The following OR8G1 variants were observed in gnomAD, a reference collection of about 807,000 sequenced individuals.
OR8G1 encodes the protein olfactory receptor 8G1.
For missense variants in OR8G1, 372 were observed against 356.2 expected (o/e 1.04, Z -0.36); for synonymous variants, 129 against 133.3 (o/e 0.97, Z 0.22).
rs1277214145 is a variant in OR8G1, at chr11:124,250,430, T to C, written c.755T>C (p.Phe252Ser). Residue 252 changes from phenylalanine (F) to serine (S), a missense_variant, in exon 3 of 3, where the codon TTT becomes TCT. Coordinates refer to ENST00000641972, the MANE Select transcript of OR8G1 (RefSeq NM_001002905.2). ...SSHMLAVVIFFGSAAFMYLQP... is the reference protein window; with the variant it reads ...SSHMLAVVIFSGSAAFMYLQP... Reference sequence around the variant, plus strand: ...CACATGTTGGCGGTTGTAATCTTTTTTGGATCTGCAGCATTCATGTACTTG... The same window carrying C: ...CACATGTTGGCGGTTGTAATCTTTTCTGGATCTGCAGCATTCATGTACTTG... 3 of 1,613,788 alleles carry C rather than the reference T, an allele frequency of 1.9e-6. No homozygotes were observed. Among genetic ancestry groups the C allele is most frequent in the Middle Eastern group, 1.7e-4 (1 of 6,060 alleles).
chr11:124,245,766 G>C (rs1450879744), intron 1 of OR8G1, among the ~76,000 whole-genome samples: 1 of 144,508 alleles, frequency 6.9e-6, no homozygotes, highest in Admixed American at 6.9e-5. Flanking sequence ...GATGGCCAGT[G>C]ATGGTGAGCA....
chr11:124,244,128 G>A (rs1861788724), intron 1 of OR8G1, among the ~76,000 whole-genome samples: 1 of 151,364 alleles, frequency 6.6e-6, no homozygotes, highest in African/African-American at 2.4e-5. Flanking sequence ...GAGAGATGGA[G>A]AGAGAATGAG....
At chr11:124,246,658 A>C (rs1861813284) in intron 1 of OR8G1, among the ~76,000 whole-genome samples, 1 of 151,814 alleles carries the variant, frequency 6.6e-6, no homozygotes, top group African/African-American at 2.4e-5. Context: ...TAAACAACAT[A>C]ATTAATGCAT....
At chr11:124,248,431 A>G (rs1360262570) in intron 2 of OR8G1, among the ~76,000 whole-genome samples, 1 of 151,634 alleles carries the variant, frequency 6.6e-6, no homozygotes, top group African/African-American at 2.4e-5. Context: ...CTTTCTAAGA[A>G]AGCTTAAATT....
In OR8G1 at chr11:124,250,221, TC is replaced by T; in HGVS notation, c.550del (p.Leu184SerfsTer2). 6.2e-7 allele frequency: 1 copy of T among 1,613,712 alleles called. No homozygotes were observed. On this transcript the variant is annotated frameshift_variant, in exon 3 of 3. Transcript: ENST00000641972. LOFTEE classifies it low-confidence loss of function (END_TRUNC). ...LINHYFCDLLPLLKLSCSSIY... is the reference protein window; with the variant it reads ...LINHYFCDLLXLLKLSCSSIY... ...TTAACCATTATTTCTGTGATCTTCT[TC>T]CCCTCCTAAAGCTCTCTTGCTCTAG...
intron 1 of OR8G1, among the ~76,000 whole-genome samples, chr11:124,242,117 GT>G (rs1861767296): frequency 6.6e-6 from 1 of 150,964 alleles, no homozygotes; most frequent in African/African-American, 2.4e-5. Context: ...AAGTTTTAGG[GT>G]ACATGTGCAC....
At chr11:124,248,232 T>C (rs1461320966) in intron 2 of OR8G1, among the ~76,000 whole-genome samples, 1 of 151,922 alleles carries the variant, frequency 6.6e-6, no homozygotes, top group African/African-American at 2.4e-5. Flanking sequence ...GTAAATATTA[T>C]TTCTATATTT....
Position 124,250,059 on chromosome 11 carries a change from C to A in OR8G1, c.384C>A (p.Ser128Arg). 1 of 1,613,816 alleles carries A rather than the reference C, an allele frequency of 6.2e-7. No individual in the cohort carries two copies. The highest frequency in any genetic ancestry group is 8.5e-7 in the Non-Finnish European group (1 of 1,179,826). The change falls in exon 3 of 3, where the codon AGC becomes AGA. Residue 128 changes from serine to arginine, a missense_variant. Ser to Arg is a moderately radical substitution (Grantham distance 110). Transcript: ENST00000641972. Reference protein sequence around the residue: ...MAYDRYMAICSPLLYSVIISN... With the variant: ...MAYDRYMAICRPLLYSVIISN... ...ATGACCGTTACATGGCCATCTGTAGCCCCTTGCTGTACAGTGTCATCATAT... is the reference window on the plus strand; with the variant it reads ...ATGACCGTTACATGGCCATCTGTAGACCCTTGCTGTACAGTGTCATCATAT...
At chr11:124,249,495 T>G (rs1591392428) in intron 2 of OR8G1, 165 bp from the exon 3 acceptor site, 1 of 250,002 alleles carries the variant, frequency 4.0e-6, no homozygotes, top group East Asian at 1.8e-4. Context: ...AACACATTTA[T>G]TATATTTGAA....
chr11:124,246,248 T>C (rs538215809), intron 1 of OR8G1, among the ~76,000 whole-genome samples: 1 of 152,134 alleles, frequency 6.6e-6, no homozygotes, highest in East Asian at 1.9e-4. Context: ...TATTTGGAAG[T>C]TTCATTCTAT....
chr11:124,243,101 A>G (rs932457717), intron 1 of OR8G1, among the ~76,000 whole-genome samples: 29 of 152,022 alleles, frequency 1.9e-4, no homozygotes, highest in Non-Finnish European at 3.8e-4. Flanking sequence ...TAAATGACTA[A>G]AAAAGTAGAG....
rs1039153480 is a variant in OR8G1, at chr11:124,253,787, C to A, written c.*3176C>A. On this transcript the variant is annotated 3_prime_UTR_variant, in exon 3 of 3. Transcript: ENST00000641972. ...GTGAGTTCAGCATTTTTAGATTCCA[C>A]ATGTATGTGAGATCATGTAGTATTT... 2 of 152,176 alleles carry A rather than the reference C, an allele frequency of 1.3e-5. No individual in the cohort carries two copies. Among genetic ancestry groups the A allele is most frequent in the Non-Finnish European group, 2.9e-5 (2 of 68,042 alleles). 9.4% of individuals were successfully genotyped at this position (152,176 alleles called of 1,614,324 possible). A position where few individuals can be genotyped will look rare whatever the true frequency, so the allele number is the denominator to read the frequency against.
Position 124,249,643 on chromosome 11 carries a change from T to C in OR8G1, c.-16-17T>C. On this transcript the variant is annotated splice_polypyrimidine_tract_variant and intron_variant, in intron 2 of 2. Transcript: ENST00000641972. ...CAACCATGGGGTTTTTTTGTTTTGT[T>C]TTTTCTCTTCCTGCAGAAACTGACT... is the stretch of plus-strand genomic sequence containing the variant. 6.3e-7 allele frequency: 1 copy of C among 1,576,964 alleles called. No individual in the cohort carries two copies. Among genetic ancestry groups the C allele is most frequent in the Non-Finnish European group, 8.6e-7 (1 of 1,164,046 alleles).
At chr11:124,248,394 ATG>A (rs1861832953) in intron 2 of OR8G1, among the ~76,000 whole-genome samples, 1 of 151,448 alleles carries the variant, frequency 6.6e-6, no homozygotes, top group East Asian at 1.9e-4. Context: ...GGTTTTGTTT[ATG>A]TGTGTCTGTG....
chr11:124,250,739 T>A lies in OR8G1; in HGVS notation c.*128T>A. 2.6e-6 allele frequency: 1 copy of A among 383,638 alleles called. No individual in the cohort carries two copies. The highest frequency in any genetic ancestry group is 4.3e-6 in the Non-Finnish European group (1 of 231,490). The allele number at this position is 383,638 out of a possible 1,614,324, so 23.8% of individuals were successfully genotyped here. ...ATTTGGTGAGATTATATTACCATTA[T>A]TTTTTCATTTCATGACCCTTTGATG... On this transcript the variant is annotated 3_prime_UTR_variant, in exon 3 of 3. Transcript: ENST00000641972.
Position 124,250,539 on chromosome 11 carries a change from G to GCTACAT in OR8G1, c.864_865insCTACAT (p.Leu288_Ile289insLeuHis). 2 of 1,167,594 alleles carry GCTACAT rather than the reference G, an allele frequency of 1.7e-6. 1 individual carries two copies. The highest frequency in any genetic ancestry group is 4.4e-5 in the South Asian group (2 of 45,184). The allele number at this position is 1,167,594 out of a possible 1,614,324, so 72.3% of individuals were successfully genotyped here. On this transcript the variant is annotated inframe_insertion, in exon 3 of 3. Coordinates refer to ENST00000641972, the MANE Select transcript of OR8G1 (RefSeq NM_001002905.2). Reference sequence around the variant, plus strand: ...TTATTGTGCCCATGTTGAACCCTCTGATTTATAGCCTGAGGAATAAAGATG... The same window carrying GCTACAT: ...TTATTGTGCCCATGTTGAACCCTCTGCTACATATTTATAGCCTGAGGAATAAAGATG...
At chr11:124,243,637 GTTTTA>G (rs1214535201) in intron 1 of OR8G1, among the ~76,000 whole-genome samples, 3 of 151,976 alleles carry the variant, frequency 2.0e-5, no homozygotes, top group Middle Eastern at 3.4e-3. Flanking sequence ...ATTTCTTCCA[GTTTTA>G]TTTTATCTGT....
chr11:124,248,003 G>T (rs1861829044), intron 2 of OR8G1, 123 bp downstream of exon 2: 1 of 151,852 alleles, frequency 6.6e-6, no homozygotes, highest in African/African-American at 2.4e-5. Context: ...TATAAGTCCA[G>T]TTACTTCACA....
chr11:124,248,103 C>A (rs1861829953), intron 2 of OR8G1, among the ~76,000 whole-genome samples: 2 of 151,900 alleles, frequency 1.3e-5, no homozygotes, highest in African/African-American at 4.8e-5. Context: ...ACTTTCATTT[C>A]TTTGATGACT....
Sources: gnomAD v4.1 joint callset for allele counts (sites outside exome capture counted in the v4.1 genomes callset) on GRCh38, gnomAD v4.1.1 for gene constraint, MANE v1.5 for transcripts, NCBI Gene and HGNC (gene_info 2026-07-23, HGNC 2026-07-21) for gene names.